PCNT: variants seen among roughly 807,000 people sequenced by gnomAD.
PCNT encodes kendrin.
PCNT carries 319 observed loss-of-function variants against 380.4 expected under a neutral mutation model. The observed-to-expected ratio is 0.84, with a 90% CI of 0.77 to 0.92. The LOEUF is 0.92. Ranked by LOEUF, PCNT falls within the 40% of genes least tolerant of loss-of-function variation. The pLI is 0.00. For missense variants in PCNT, 4,400 were observed against 4,255.3 expected (o/e 1.03, Z -0.95); for synonymous variants, 1,845 against 1,735.2 (o/e 1.06, Z -1.57).
chr21:46,385,861 C>A lies in PCNT; in HGVS notation c.3342C>A (p.His1114Gln). Residue 1114 changes from histidine to glutamine, a missense_variant, in exon 17 of 47, where the codon CAC (histidine) becomes CAA (glutamine). Coordinates refer to ENST00000359568, the MANE Select transcript of PCNT (RefSeq NM_006031.6). ...QLKDQVLSLS[H>Q]EIEECRSELE... ...AAGACCAGGTTTTATCCTTAAGTCA[C>A]GAGATAGAAGAGTGCCGCTCCGAGT... 1 of 1,614,226 alleles carries A rather than the reference C, an allele frequency of 6.2e-7. No individual in the cohort carries two copies. Among genetic ancestry groups the A allele is most frequent in the Non-Finnish European group, 8.5e-7 (1 of 1,180,026 alleles).
intron 10 of PCNT, among the ~76,000 whole-genome samples, chr21:46,353,751 T>TGTGTGG: frequency 9.6e-6 from 1 of 104,402 alleles, no homozygotes; most frequent in South Asian, 2.8e-4. Context: ...TGTGTGTGTG[T>TGTGTGG]GAGAGAGACA....
chr21:46,386,170 C>T (rs1262811009), intron 17 of PCNT, among the ~76,000 whole-genome samples, 187 bp downstream of exon 17: 2 of 152,206 alleles, frequency 1.3e-5, no homozygotes, highest in Non-Finnish European at 2.9e-5. Context: ...GGGAAGAAAT[C>T]GCCTGCTGTG....
intron 27 of PCNT, among the ~76,000 whole-genome samples, chr21:46,409,211 CAG>C (rs2086710116): frequency 1.7e-5 from 1 of 59,506 alleles, no homozygotes; most frequent in Non-Finnish European, 4.2e-5. Context: ...TTTTTTTTGA[CAG>C]AGTCTCTCTC....
At chr21:46,421,414 T>G (rs2087244379) in intron 31 of PCNT, among the ~76,000 whole-genome samples, 1 of 152,016 alleles carries the variant, frequency 6.6e-6, no homozygotes, top group African/African-American at 2.4e-5. Flanking sequence ...CCCTGTGGGC[T>G]GGCGCAGCTG....
intron 14 of PCNT, 70 bp from the exon 15 acceptor site, chr21:46,366,514 C>A (rs1271395461): frequency 8.1e-5 from 107 of 1,315,924 alleles, no homozygotes; most frequent in Non-Finnish European, 1.1e-4. Context: ...GGGAAACTGA[C>A]TTGGCTTTTG....
chr21:46,430,897 C>G lies in PCNT; in HGVS notation c.8064+240C>G, dbSNP rs897507318. 15 of 985,306 alleles carry G rather than the reference C, an allele frequency of 1.5e-5. No homozygotes were observed. The African/African-American group carries it at 2.3e-4, about 15-fold the overall frequency. The allele number at this position is 985,306 out of a possible 1,614,324, so 61.0% of individuals were successfully genotyped here. On this transcript the variant is annotated intron_variant, in intron 37 of 46. Transcript: ENST00000359568. ...GGCACGATACCCCTGCTCGGAGCCC[C>G]CCCCCGTCCCTGAGCACTTGCTGTG...
chr21:46,399,798 T>G lies in PCNT; in HGVS notation c.4791+2T>G. ...AACATCGTGAAAGGGCTGGAACAGGTAAAGCGTCTCCATGTTGTGGTTGGG... is the reference window on the plus strand; with the variant it reads ...AACATCGTGAAAGGGCTGGAACAGGGAAAGCGTCTCCATGTTGTGGTTGGG... On this transcript the variant is annotated splice_donor_variant, in intron 25 of 46. Coordinates refer to ENST00000359568, the MANE Select transcript of PCNT (RefSeq NM_006031.6). LOFTEE classifies it high-confidence loss of function. The G allele has an allele frequency of 6.2e-7, 1 of 1,613,216 alleles. No individual in the cohort carries two copies.
Position 46,418,283 on chromosome 21 carries a change from GA to G in PCNT, c.7005del (p.Ala2336LeufsTer16). 2.5e-6 allele frequency: 4 copies of G among 1,600,746 alleles called. No individual in the cohort carries two copies. Among genetic ancestry groups the G allele is most frequent in the Non-Finnish European group, 3.4e-6 (4 of 1,167,816 alleles). On this transcript the variant is annotated frameshift_variant, in exon 31 of 47. Coordinates refer to ENST00000359568, the MANE Select transcript of PCNT (RefSeq NM_006031.6). LOFTEE classifies it high-confidence loss of function. ...TLSSPPPGLE[G>X]KADRSEKSDG... ...AGTTCACCTCCTCCTGGATTAGAAGGAAAAGCTGATAGAAGTGAGAAAAGTG... is the reference window on the plus strand; with the variant it reads ...AGTTCACCTCCTCCTGGATTAGAAGGAAAGCTGATAGAAGTGAGAAAAGTG...
chr21:46,373,363 T>C (rs1012664591), intron 15 of PCNT, among the ~76,000 whole-genome samples: 2 of 152,034 alleles, frequency 1.3e-5, no homozygotes. Context: ...ATTTTTGTAG[T>C]TGAGGTACAG....
At position 46,430,902 on chromosome 21, in the gene PCNT, C is replaced by T. The variant is rs927994962; in HGVS notation, c.8064+245C>T. ...GATACCCCTGCTCGGAGCCCCCCCC[C>T]GTCCCTGAGCACTTGCTGTGGAGAT... is the stretch of plus-strand genomic sequence containing the variant. On this transcript the variant is annotated intron_variant, in intron 37 of 46. Transcript: ENST00000359568. The T allele has an allele frequency of 1.9e-5, 19 of 985,420 alleles. 1 individual carries two copies. The highest frequency in any genetic ancestry group is 1.0e-4 in the African/African-American group (6 of 57,360). 61.0% of individuals were successfully genotyped at this position (985,420 alleles called of 1,614,324 possible). A position where few individuals can be genotyped will look rare whatever the true frequency, so the allele number is the denominator to read the frequency against.
intron 27 of PCNT, among the ~76,000 whole-genome samples, chr21:46,407,581 G>GATCCGCCCGACTCGGCCTCCCA (rs2086658179): frequency 6.6e-6 from 1 of 152,034 alleles, no homozygotes; most frequent in Admixed American, 6.5e-5. Flanking sequence ...CTGACCTCGT[G>GATCCGCCCGACTCGGCCTCCCA]ATCCGCCCGA....
chr21:46,352,933 T>G (rs1425294588), intron 9 of PCNT, among the ~76,000 whole-genome samples, 171 bp from the exon 10 acceptor site: 1 of 152,154 alleles, frequency 6.6e-6, no homozygotes, highest in African/African-American at 2.4e-5. Context: ...CTCTCCACAT[T>G]CAGGGGCGTA....
At chr21:46,365,621 G>A (rs2084892916) in intron 14 of PCNT, among the ~76,000 whole-genome samples, 1 of 143,232 alleles carries the variant, frequency 7.0e-6, no homozygotes, top group South Asian at 2.3e-4. Context: ...ACTGCCGTGG[G>A]GTTCTGATCA....
intron 11 of PCNT, 69 bp downstream of exon 11, chr21:46,354,137 A>T (rs113341094): frequency 2.3e-5 from 31 of 1,330,578 alleles, no homozygotes; most frequent in Non-Finnish European, 3.3e-5. Context: ...CGTCTTCCAC[A>T]TTATAGAGCC....
At chr21:46,340,318 A>G (rs1441762406) in intron 3 of PCNT, among the ~76,000 whole-genome samples, 2 of 152,278 alleles carry the variant, frequency 1.3e-5, no homozygotes, top group Middle Eastern at 3.4e-3. Flanking sequence ...ACAAGTCAAG[A>G]TGAGATTTGG....
rs4818840 is a variant in PCNT at position 46,401,990 on chromosome 21, A to G, written c.4962+269A>G. ...CTCGGCCTCCCGAGTAGCTGGGATT[A>G]CAGGTGCACCCACCGCCACGCCCGG... On this transcript the variant is annotated intron_variant, in intron 26 of 46. Transcript: ENST00000359568. Among the ~76,000 whole-genome samples the G allele has an allele frequency of 0.12, 18,429 of 152,154 alleles. 1,240 individuals are homozygous for G. The highest frequency in any genetic ancestry group is 0.21 in the South Asian group (1,017 of 4,818).
At chr21:46,372,063 GGCACATGCACACA>G (rs1187728186) in intron 15 of PCNT, among the ~76,000 whole-genome samples, 2 of 130,320 alleles carry the variant, frequency 1.5e-5, no homozygotes, top group African/African-American at 6.0e-5. Context: ...GCCCATACAA[GGCACATGCACACA>G]GCACATGCGC....
Position 46,411,779 on chromosome 21 carries a change from C to T in PCNT, c.5706C>T (p.Arg1902=). The T allele has an allele frequency of 6.2e-7, 1 of 1,605,142 alleles. No homozygotes were observed. Among genetic ancestry groups the T allele is most frequent in the Non-Finnish European group, 8.5e-7 (1 of 1,178,168 alleles). The part of the protein sequence containing the change: ...EAVLLALARI[R]RALEQQPLAA... ...TCCTGTTGGCCTTGGCCCGCATCCG[C>T]CGCGCCCTGGAGCAGCAGCCCCTGG... Residue 1902 remains arginine, a synonymous_variant, in exon 28 of 47, where the codon CGC becomes CGT. Transcript: ENST00000359568.
chr21:46,437,496 C>T (rs1338961314), intron 40 of PCNT, among the ~76,000 whole-genome samples: 2 of 152,362 alleles, frequency 1.3e-5, no homozygotes, highest in East Asian at 1.9e-4. Flanking sequence ...TGTTCACCTC[C>T]ACCTGGCCCA....
Sources: gnomAD v4.1 joint callset for allele counts (sites outside exome capture counted in the v4.1 genomes callset) on GRCh38, gnomAD v4.1.1 for gene constraint, MANE v1.5 for transcripts, NCBI Gene and HGNC (gene_info 2026-07-23, HGNC 2026-07-21) for gene names.